HTR4: variants seen among roughly 807,000 people sequenced by gnomAD.
HTR4 encodes 5-hydroxytryptamine (serotonin) receptor 4, G protein-coupled.
Under a neutral mutation model 36.8 loss-of-function variants are expected in HTR4, and 16 were observed. The observed-to-expected ratio is 0.43, with a 90% CI of 0.29 to 0.66. The LOEUF is 0.66. Among genes scored for constraint, HTR4 ranks in the 30% least tolerant of loss-of-function variants. The probability of loss-of-function intolerance (pLI) is 0.13; values close to 1 mark genes in which losing one functional copy is unlikely to be tolerated. For missense variants in HTR4, 438 were observed against 490.9 expected, an observed-to-expected ratio of 0.89 and a Z score of 1.02; for synonymous variants, 189 against 185.1, an observed-to-expected ratio of 1.02 and a Z score of -0.17.
intron 5 of HTR4, among the ~76,000 whole-genome samples, chr5:148,515,845 C>G (rs894901918): frequency 6.6e-6 from 1 of 151,834 alleles, no homozygotes; most frequent in Non-Finnish European, 1.5e-5. Context: ...GAATCTCTGA[C>G]TGATGGCTTT....
chr5:148,496,306 C>T (rs1756682518), intron 6 of HTR4, among the ~76,000 whole-genome samples: 1 of 152,092 alleles, frequency 6.6e-6, no homozygotes, highest in Non-Finnish European at 1.5e-5. Context: ...ACCCAGGAAT[C>T]TGTGTTTTTA....
intron 5 of HTR4, among the ~76,000 whole-genome samples, chr5:148,460,122 A>G (rs1755232965): frequency 6.6e-6 from 1 of 152,100 alleles, no homozygotes; most frequent in South Asian, 2.1e-4. Context: ...ACAGAAAAAA[A>G]ATACAGAGCA....
At chr5:148,523,583 G>A in intron 4 of HTR4, among the ~76,000 whole-genome samples, 1 of 151,816 alleles carries the variant, frequency 6.6e-6, no homozygotes, top group African/African-American at 2.4e-5. Flanking sequence ...AAAGAAGGAA[G>A]AGAGAGAAAA....
chr5:148,523,160 C>T (rs887725043), intron 5 of HTR4, 33 bp downstream of exon 5: 1 of 1,585,028 alleles, frequency 6.3e-7, no homozygotes, highest in Non-Finnish European at 8.6e-7. Flanking sequence ...GTTGATCAGA[C>T]AGTAAACCAG....
chr5:148,631,556 A>G (rs1753321139), intron 2 of HTR4, among the ~76,000 whole-genome samples: 1 of 152,182 alleles, frequency 6.6e-6, no homozygotes, highest in Admixed American at 6.5e-5. Flanking sequence ...AGGCTTTAGA[A>G]TATTCAGCAT....
chr5:148,649,289 G>A (rs1753964040), intron 1 of HTR4, among the ~76,000 whole-genome samples: 1 of 151,130 alleles, frequency 6.6e-6, no homozygotes, highest in African/African-American at 2.4e-5. Flanking sequence ...AAAAAAAGAA[G>A]CTAATATTCA....
rs1373596715 is a variant in HTR4, at chr5:148,482,848, C to G, written c.*355G>C. 9.1e-7 allele frequency: 1 copy of G among 1,103,018 alleles called. No individual in the cohort carries two copies. Among genetic ancestry groups the G allele is most frequent in the African/African-American group, 1.6e-5 (1 of 62,530 alleles). The allele number at this position is 1,103,018 out of a possible 1,614,324, so 68.3% of individuals were successfully genotyped here. A position where few individuals can be genotyped will look rare whatever the true frequency, so the allele number is the denominator to read the frequency against. ...AGGCGTATTTGGAGACATCAGTGAC[C>G]GAGATAGGACGCAGCAAGCTATCGT... On this transcript the variant is annotated 3_prime_UTR_variant, in exon 7 of 7. Transcript: ENST00000377888.
intron 2 of HTR4, among the ~76,000 whole-genome samples, chr5:148,602,074 C>A (rs977008344): frequency 1.3e-5 from 2 of 152,078 alleles, no homozygotes; most frequent in Non-Finnish European, 2.9e-5. Context: ...GTGCCTACAG[C>A]TAGAAATACT....
intron 2 of HTR4, among the ~76,000 whole-genome samples, chr5:148,596,643 A>G (rs576274496): frequency 6.7e-6 from 1 of 149,906 alleles, no homozygotes; most frequent in Non-Finnish European, 1.5e-5. Context: ...GACAACCAAA[A>G]ACATCTCTAG....
At chr5:148,539,394 C>A (rs1029586032) in intron 4 of HTR4, among the ~76,000 whole-genome samples, 1 of 151,846 alleles carries the variant, frequency 6.6e-6, no homozygotes. Context: ...ACTTAAGAAC[C>A]TCTACACAGC....
At chr5:148,453,525 G>A (rs1325284343) in intron 5 of HTR4, among the ~76,000 whole-genome samples, 2 of 152,166 alleles carry the variant, frequency 1.3e-5, no homozygotes, top group African/African-American at 4.8e-5. Context: ...GCCTATCTGG[G>A]AAAATAACAT....
intron 2 of HTR4, among the ~76,000 whole-genome samples, chr5:148,619,821 A>G (rs986836700): frequency 6.6e-6 from 1 of 152,242 alleles, no homozygotes; most frequent in Admixed American, 6.5e-5. Context: ...AGAGTCACAA[A>G]AGAAAACAGA....
At chr5:148,606,775 C>T (rs964311558) in intron 2 of HTR4, among the ~76,000 whole-genome samples, 1 of 152,020 alleles carries the variant, frequency 6.6e-6, no homozygotes, top group Non-Finnish European at 1.5e-5. Context: ...GTGATAGGTC[C>T]CATTGTTCTT....
intron 2 of HTR4, among the ~76,000 whole-genome samples, chr5:148,564,488 T>C (rs1760353047): frequency 1.3e-5 from 2 of 152,312 alleles, no homozygotes; most frequent in African/African-American, 4.8e-5. Flanking sequence ...ATAACAAATA[T>C]ATGTTAGACA....
intron 6 of HTR4, among the ~76,000 whole-genome samples, chr5:148,488,585 G>C (rs1472074064): frequency 1.3e-5 from 2 of 152,152 alleles, no homozygotes; most frequent in Non-Finnish European, 2.9e-5. Context: ...GGCATGGGTA[G>C]AGTGGTGATA....
downstream of HTR4, among the ~76,000 whole-genome samples, chr5:148,480,677 C>G (rs1223457845): frequency 6.6e-6 from 1 of 152,130 alleles, no homozygotes; most frequent in Non-Finnish European, 1.5e-5. Flanking sequence ...AAGGGGTGCT[C>G]CTAGAATATT....
rs1315661899 is a variant in HTR4 at position 148,540,796 on chromosome 5, A to G, written c.353+7872T>C. ...GAGGTGCAAGTGAAGCCATGGGATA[A>G]ATGAGGTTTCCAAAGGAAAGAGGGG... On this transcript the variant is annotated intron_variant, in intron 4 of 6. Transcript: ENST00000377888. Among the ~76,000 whole-genome samples, 4 of 152,012 alleles carry G rather than the reference A, an allele frequency of 2.6e-5. No individual in the cohort carries two copies. In the East Asian group the frequency reaches 7.8e-4, roughly 30 times the overall value.
intron 6 of HTR4, among the ~76,000 whole-genome samples, chr5:148,503,504 GA>G (rs1361961648): frequency 6.6e-6 from 1 of 152,174 alleles, no homozygotes; most frequent in East Asian, 1.9e-4. Context: ...ACTAAACATG[GA>G]AAGGAACAAT....
At position 148,481,916 on chromosome 5, in the gene HTR4, A is replaced by G. The variant is rs1275551404; in HGVS notation, c.*1287T>C. The G allele has an allele frequency of 8.9e-7, 1 of 1,125,626 alleles. No homozygotes were observed. Among genetic ancestry groups the G allele is most frequent in the East Asian group, 5.1e-5 (1 of 19,538 alleles). 69.7% of individuals were successfully genotyped at this position (1,125,626 alleles called of 1,614,324 possible). A position where few individuals can be genotyped will look rare whatever the true frequency, so the allele number is the denominator to read the frequency against. On this transcript the variant is annotated 3_prime_UTR_variant, in exon 7 of 7. Transcript: ENST00000377888. The stretch of plus-strand genomic sequence containing the variant: ...AAATGAGGAGGGTCGTTCCTTTGAA[A>G]CAAAGCCAAAAGGCAGGCAGGCCAT...
Sources: allele counts gnomAD v4.1 joint callset (sites outside exome capture counted in the v4.1 genomes callset), GRCh38; gene constraint gnomAD v4.1.1; transcripts MANE v1.5; gene names NCBI Gene and HGNC (gene_info 2026-07-23, HGNC 2026-07-21).